The following TNNI3 variants were observed in gnomAD, a reference collection of about 807,000 sequenced individuals.
The protein encoded by TNNI3 is troponin I, cardiac muscle.
TNNI3 carries 23 observed loss-of-function variants against 31.5 expected under a neutral mutation model. That is an observed-to-expected ratio of 0.73 (90% CI 0.52 to 1.03). TNNI3 has a LOEUF of 1.03. Ranked by LOEUF, TNNI3 falls within the 50% of genes least tolerant of loss-of-function variation. The pLI is 0.00. For synonymous variants in TNNI3, 120 were observed against 111.7 expected, an observed-to-expected ratio of 1.07 and a Z score of -0.47; for missense variants, 236 against 282.9, an observed-to-expected ratio of 0.83 and a Z score of 1.19.
chr19:55,157,077 G>A lies in TNNI3; in HGVS notation c.81C>T (p.Arg27=). ...APIRRRSSNY[R]AYATEPHAKK... is the part of the protein sequence containing the mutation. Reference sequence around the variant, plus strand: ...TGGCGTGCGGCTCCGTGGCATAAGCGCGGTAGTTGGAGGAGCGGCGTCTGA... The same window carrying A: ...TGGCGTGCGGCTCCGTGGCATAAGCACGGTAGTTGGAGGAGCGGCGTCTGA... Residue 27 remains arginine, a synonymous_variant, in exon 3 of 8, where the codon CGC becomes CGT. Transcript: ENST00000344887. This position sits in a 1 kb window ranked among gnomAD's most constrained non-coding sequence, Gnocchi z 6.3. 1 of 1,601,092 alleles carries A rather than the reference G, an allele frequency of 6.2e-7. No individual in the cohort carries two copies. The highest frequency in any genetic ancestry group is 8.5e-7 in the Non-Finnish European group (1 of 1,175,958).
rs750675608 is a variant in TNNI3, at chr19:55,156,594, C to G, written c.150+9G>C. The G allele has an allele frequency of 3.8e-6, 6 of 1,561,290 alleles. No homozygotes were observed. Among genetic ancestry groups the G allele is most frequent in the Non-Finnish European group, 5.2e-6 (6 of 1,151,290 alleles). On this transcript the variant is annotated intron_variant, in intron 4 of 7. Coordinates refer to ENST00000344887, the MANE Select transcript of TNNI3 (RefSeq NM_000363.5). This position sits in a 1 kb window ranked among gnomAD's most constrained non-coding sequence, Gnocchi z 4.6. Reference sequence around the variant, plus strand: ...CTGCCTGCTCTTTCCCAGTCCCGCCCGTCCTCACCTTCAGCTGCAATTTTC... The same window carrying G: ...CTGCCTGCTCTTTCCCAGTCCCGCCGGTCCTCACCTTCAGCTGCAATTTTC...
rs533022042 is a variant in TNNI3, at chr19:55,155,336, C to G, written c.283-506G>C. Among the ~76,000 whole-genome samples the G allele has an allele frequency of 5.8e-3, 286 of 49,516 alleles. 12 individuals are homozygous for G. Among genetic ancestry groups the G allele is most frequent in the African/African-American group, 6.8e-3 (55 of 8,084 alleles). The allele number at this position is 49,516 out of a possible 152,430, so 32.5% of individuals were successfully genotyped here. A position where few individuals can be genotyped will look rare whatever the true frequency, so the allele number is the denominator to read the frequency against. The stretch of plus-strand genomic sequence containing the variant: ...GGAGCTGGGGCCTGGACTCCAGGGT[C>G]TGAGGGAGGAGGGGCTGGGGCCTGG... On this transcript the variant is annotated intron_variant, in intron 5 of 7. Coordinates refer to ENST00000344887, the MANE Select transcript of TNNI3 (RefSeq NM_000363.5).
At chr19:55,155,105 A>C (rs12978862) in intron 5 of TNNI3, among the ~76,000 whole-genome samples, 56 of 43,044 alleles carry the variant, frequency 1.3e-3, no homozygotes, top group Admixed American at 2.2e-3. Context: ...GGGGCTGGGG[A>C]CTGGACTCCT....
Position 55,156,113 on chromosome 19 carries a change from G to C in TNNI3, c.282+88C>G. 6.3e-7 allele frequency: 1 copy of C among 1,599,952 alleles called. No individual in the cohort carries two copies. The highest frequency in any genetic ancestry group is 1.1e-5 in the South Asian group (1 of 90,370). On this transcript the variant is annotated intron_variant, in intron 5 of 7. Coordinates refer to ENST00000344887, the MANE Select transcript of TNNI3 (RefSeq NM_000363.5). The surrounding 1 kb of genome is among the most constrained non-coding windows in gnomAD (Gnocchi z 4.6). ...ATAATTGGGTAAGGACAGCCATATT[G>C]GACGCCTGGGTCCCGAGCAGAAGAG...
chr19:55,157,181 G>C lies in TNNI3; in HGVS notation c.25-48C>G, dbSNP rs1004452697. 25 of 1,589,076 alleles carry C rather than the reference G, an allele frequency of 1.6e-5. No individual in the cohort carries two copies. The highest frequency in any genetic ancestry group is 2.7e-5 in the African/African-American group (2 of 74,538). Reference sequence around the variant, plus strand: ...CCCATCACCACCAAGACCCCACCCAGCCCTTACCGTACCGCACCCTCTGCT... The same window carrying C: ...CCCATCACCACCAAGACCCCACCCACCCCTTACCGTACCGCACCCTCTGCT... On this transcript the variant is annotated intron_variant, in intron 2 of 7. Transcript: ENST00000344887. The surrounding 1 kb of genome is among the most constrained non-coding windows in gnomAD (Gnocchi z 6.3).
At chr19:55,155,890 G>A (rs1314357220) in intron 5 of TNNI3, among the ~76,000 whole-genome samples, 1 of 135,358 alleles carries the variant, frequency 7.4e-6, no homozygotes, top group South Asian at 2.5e-4. Flanking sequence ...CAGGGAGGAG[G>A]GGCTGGGGAC....
Position 55,156,952 on chromosome 19 carries a change from A to C in TNNI3, c.108+98T>G. On this transcript the variant is annotated intron_variant, in intron 3 of 7. Transcript: ENST00000344887. The surrounding 1 kb of genome is among the most constrained non-coding windows in gnomAD (Gnocchi z 4.6). Reference sequence around the variant, plus strand: ...CTCCGCCCCTGAAGCCCCTCCGCGTAGTCCCCGCCCCCTTCGCAGCCCTGG... The same window carrying C: ...CTCCGCCCCTGAAGCCCCTCCGCGTCGTCCCCGCCCCCTTCGCAGCCCTGG... 7.4e-7 allele frequency: 1 copy of C among 1,354,866 alleles called. No individual in the cohort carries two copies. The highest frequency in any genetic ancestry group is 1.0e-6 in the Non-Finnish European group (1 of 981,506). 83.9% of individuals were successfully genotyped at this position (1,354,866 alleles called of 1,614,324 possible). A position where few individuals can be genotyped will look rare whatever the true frequency, so the allele number is the denominator to read the frequency against.
Position 55,157,336 on chromosome 19 carries a change from G to T in TNNI3, c.12-28C>A. 6.2e-7 allele frequency: 1 copy of T among 1,600,840 alleles called. No homozygotes were observed. On this transcript the variant is annotated intron_variant, in intron 1 of 7. Transcript: ENST00000344887. This position sits in a 1 kb window ranked among gnomAD's most constrained non-coding sequence, Gnocchi z 6.3. ...GGAAGGAGAGAAACCAAGGAGGGGG[G>T]TTAGTGGTGGGCTGTGTCCTGTCTC...
Position 55,154,733 on chromosome 19 carries a change from C to T in TNNI3, c.372+8G>A, listed in dbSNP as rs200573982. On this transcript the variant is annotated splice_region_variant and intron_variant, in intron 6 of 7. Transcript: ENST00000344887. ...CCCGAAGGTACCCGAGCTGCCCATG[C>T]GTCCCACCTCCGTGATGTTCTTGGT... 18 of 1,613,666 alleles carry T rather than the reference C, an allele frequency of 1.1e-5. No homozygotes were observed. The highest frequency in any genetic ancestry group is 8.8e-5 in the South Asian group (8 of 91,044).
In TNNI3 at chr19:55,157,668, G is replaced by C; in HGVS notation, c.-79C>G. The C allele has an allele frequency of 1.9e-6, 3 of 1,571,800 alleles. No individual in the cohort carries two copies. Among genetic ancestry groups the C allele is most frequent in the Non-Finnish European group, 2.6e-6 (3 of 1,145,248 alleles). ...GAGGGTCAGTGAGGGGGCCGCCCGG[G>C]TGACCTTCAGGGTCCCAGGGACCGT... On this transcript the variant is annotated 5_prime_UTR_variant, in exon 1 of 8. Coordinates refer to ENST00000344887, the MANE Select transcript of TNNI3 (RefSeq NM_000363.5). The surrounding 1 kb of genome is among the most constrained non-coding windows in gnomAD (Gnocchi z 6.3).
chr19:55,154,622 C>T, intron 6 of TNNI3, 119 bp downstream of exon 6: 2 of 866,342 alleles, frequency 2.3e-6, no homozygotes, highest in Admixed American at 4.0e-5. Context: ...GCCAGGCTCA[C>T]AGTTGTCCTG....
In TNNI3 at chr19:55,157,183, C is replaced by T. The variant is rs200856011; in HGVS notation, c.25-50G>A. On this transcript the variant is annotated intron_variant, in intron 2 of 7. Transcript: ENST00000344887. The surrounding 1 kb of genome is among the most constrained non-coding windows in gnomAD (Gnocchi z 6.3). Reference sequence around the variant, plus strand: ...CATCACCACCAAGACCCCACCCAGCCCTTACCGTACCGCACCCTCTGCTAG... The same window carrying T: ...CATCACCACCAAGACCCCACCCAGCTCTTACCGTACCGCACCCTCTGCTAG... The T allele has an allele frequency of 1.8e-4, 292 of 1,589,478 alleles. No homozygotes were observed. The African/African-American group carries it at 3.8e-3, about 21-fold the overall frequency.
chr19:55,153,474 A>C (rs1416948174), intron 7 of TNNI3, among the ~76,000 whole-genome samples: 1 of 152,078 alleles, frequency 6.6e-6, no homozygotes. Flanking sequence ...TCATGGGCTC[A>C]AGCGATTTTC....
In TNNI3 at chr19:55,156,252, G is replaced by A. The variant is rs1243719576; in HGVS notation, c.231C>T (p.Ser77=). 2.5e-6 allele frequency: 4 copies of A among 1,612,274 alleles called. No homozygotes were observed. Among genetic ancestry groups the A allele is most frequent in the African/African-American group, 1.3e-5 (1 of 75,018 alleles). The change falls in exon 5 of 8, where the codon AGC becomes AGT. Residue 77 remains serine, a synonymous_variant. Transcript: ENST00000344887. This position sits in a 1 kb window ranked among gnomAD's most constrained non-coding sequence, Gnocchi z 4.6. ...CCAACTCCAGCGGCTGGCAGCGGGT[G>A]CTCAGAGCGCGCCCCTTCTCTCCGC... is the stretch of plus-strand genomic sequence containing the variant. ...ERRGEKGRAL[S]TRCQPLELAG...
intron 7 of TNNI3, 30 bp from the exon 8 acceptor site, chr19:55,151,947 G>A (rs375116948): frequency 8.8e-5 from 141 of 1,607,032 alleles, no homozygotes; most frequent in Non-Finnish European, 1.2e-4. Flanking sequence ...CAGAGGTTAG[G>A]GTCTCTTCTT....
At chr19:55,153,264 C>T (rs2085704750) in intron 7 of TNNI3, among the ~76,000 whole-genome samples, 1 of 152,118 alleles carries the variant, frequency 6.6e-6, no homozygotes, top group African/African-American at 2.4e-5. Flanking sequence ...TAATCTCTTA[C>T]TGTGTCTAAT....
rs1245134582 is a variant in TNNI3, at chr19:55,154,218, C to T, written c.373-12G>A. ...GTCAGATCTGCAATCTGGGGGCACACGAGGGGGTGGGTACTTCTCCTTCCA... is the reference window on the plus strand; with the variant it reads ...GTCAGATCTGCAATCTGGGGGCACATGAGGGGGTGGGTACTTCTCCTTCCA... On this transcript the variant is annotated splice_polypyrimidine_tract_variant and intron_variant, in intron 6 of 7. Coordinates refer to ENST00000344887, the MANE Select transcript of TNNI3 (RefSeq NM_000363.5). 14 of 1,610,106 alleles carry T rather than the reference C, an allele frequency of 8.7e-6. No homozygotes were observed. The highest frequency in any genetic ancestry group is 1.7e-5 in the Admixed American group (1 of 59,990).
In TNNI3 at chr19:55,152,281, C is replaced by T. The variant is rs2085699883; in HGVS notation, c.550-364G>A. ...ATCTTTCCCCTCCACTTCCTGTCTG[C>T]CTTATGCCCTTCCTGTCTCCTTCCT... On this transcript the variant is annotated intron_variant, in intron 7 of 7. Coordinates refer to ENST00000344887, the MANE Select transcript of TNNI3 (RefSeq NM_000363.5). This position sits in a 1 kb window ranked among gnomAD's most constrained non-coding sequence, Gnocchi z 4.0. Among the ~76,000 whole-genome samples, 1 of 152,126 alleles carries T rather than the reference C, an allele frequency of 6.6e-6. No individual in the cohort carries two copies. Among genetic ancestry groups the T allele is most frequent in the Admixed American group, 6.6e-5 (1 of 15,260 alleles).
At position 55,157,575 on chromosome 19, in the gene TNNI3, T is replaced by C; in HGVS notation, c.11+4A>G. 6.2e-7 allele frequency: 1 copy of C among 1,613,744 alleles called. No individual in the cohort carries two copies. Among genetic ancestry groups the C allele is most frequent in the African/African-American group, 1.3e-5 (1 of 74,970 alleles). ...AACTCCCACTGCCTTGGGGCATCAC[T>C]CACCCATCCGCCATGCTGAGACTCA... On this transcript the variant is annotated splice_donor_region_variant and intron_variant, in intron 1 of 7. Transcript: ENST00000344887. The surrounding 1 kb of genome is among the most constrained non-coding windows in gnomAD (Gnocchi z 6.3).
Sources: allele counts gnomAD v4.1 joint callset (sites outside exome capture counted in the v4.1 genomes callset), GRCh38; gene constraint gnomAD v4.1.1; non-coding constraint Gnocchi (gnomAD v3.1); transcripts MANE v1.5; gene names NCBI Gene and HGNC (gene_info 2026-07-23, HGNC 2026-07-21).